DDC: variants seen among roughly 807,000 people sequenced by gnomAD.
The protein encoded by DDC is aromatic-L-amino-acid decarboxylase.
Under a neutral mutation model 60.0 loss-of-function variants are expected in DDC, and 43 were observed. The ratio of observed to expected loss-of-function variants is 0.72; its 90% CI spans 0.56 to 0.92. The LOEUF (loss-of-function observed/expected upper bound fraction) is 0.92, where lower values mean the gene tolerates loss of function less well. DDC is among the 40% of genes least tolerant of loss of function. The pLI is 0.00. For missense variants in DDC, 573 were observed against 620.2 expected (o/e 0.92, Z 0.81); for synonymous variants, 232 against 234.6 (o/e 0.99, Z 0.10).
intron 6 of DDC, among the ~76,000 whole-genome samples, chr7:50,512,535 C>A (rs1199597640): frequency 6.6e-6 from 1 of 152,202 alleles, no homozygotes; most frequent in Non-Finnish European, 1.5e-5. Context: ...ATCCACCACC[C>A]CCAGGCCCAT....
intron 1 of DDC, among the ~76,000 whole-genome samples, chr7:50,562,652 G>T (rs2045367187): frequency 6.6e-6 from 1 of 152,206 alleles, no homozygotes. Flanking sequence ...CAGGAGCTTG[G>T]GGGCTGCAGT....
chr7:50,530,024 A>C (rs966784752), intron 4 of DDC, among the ~76,000 whole-genome samples: 1 of 152,140 alleles, frequency 6.6e-6, no homozygotes, highest in Non-Finnish European at 1.5e-5. Flanking sequence ...TGGGAGGCAG[A>C]GGAGGGTCGA....
At chr7:50,488,594 T>C (rs1435176422) in intron 9 of DDC, among the ~76,000 whole-genome samples, 1 of 151,974 alleles carries the variant, frequency 6.6e-6, no homozygotes, top group African/African-American at 2.4e-5. Flanking sequence ...TTTGTGTAAG[T>C]CATAATAAGG....
At chr7:50,473,295 G>T (rs1027754553) in intron 11 of DDC, among the ~76,000 whole-genome samples, 5 of 152,154 alleles carry the variant, frequency 3.3e-5, no homozygotes, top group Non-Finnish European at 5.9e-5. Flanking sequence ...GGGCCCTGAG[G>T]CTGCTCCCAT....
intron 6 of DDC, among the ~76,000 whole-genome samples, chr7:50,511,329 TA>T (rs2043573251): frequency 6.6e-6 from 1 of 151,794 alleles, no homozygotes; most frequent in African/African-American, 2.4e-5. Context: ...TTATATAATA[TA>T]TATAATGACC....
chr7:50,465,500 T>C (rs1263333045), intron 13 of DDC, among the ~76,000 whole-genome samples: 1 of 151,888 alleles, frequency 6.6e-6, no homozygotes, highest in African/African-American at 2.4e-5. Flanking sequence ...GCCTCCCGAG[T>C]AGCTGGGATT....
At chr7:50,520,474 A>G (rs946950238) in intron 6 of DDC, among the ~76,000 whole-genome samples, 37 of 152,368 alleles carry the variant, frequency 2.4e-4, no homozygotes, top group African/African-American at 8.4e-4. Context: ...TGAAAATGAC[A>G]ATAAAACTCA....
At chr7:50,467,465 C>A in intron 12 of DDC, 150 bp from the exon 13 acceptor site, 1 of 692,350 alleles carries the variant, frequency 1.4e-6, no homozygotes, top group Non-Finnish European at 2.6e-6. Context: ...CACTGACCAG[C>A]TGTTTCCAGG....
At chr7:50,459,608 C>A (rs1165591023) in intron 14 of DDC, 13 of 172,496 alleles carry the variant, frequency 7.5e-5, no homozygotes, top group Admixed American at 1.9e-4. Flanking sequence ...TCTGCCCCGC[C>A]GCCCCGTCTG....
chr7:50,485,545 G>C (rs2042863130), intron 9 of DDC, among the ~76,000 whole-genome samples: 1 of 152,186 alleles, frequency 6.6e-6, no homozygotes, highest in Admixed American at 6.5e-5. Flanking sequence ...GTTGTTTACT[G>C]AATTAGTGAA....
intron 9 of DDC, among the ~76,000 whole-genome samples, chr7:50,493,429 G>T (rs1057178901): frequency 5.3e-5 from 8 of 152,136 alleles, no homozygotes; most frequent in African/African-American, 1.9e-4. Flanking sequence ...ACTTGTTCCC[G>T]CCAGAGCCTG....
intron 6 of DDC, among the ~76,000 whole-genome samples, chr7:50,520,957 GAAGAA>G (rs200291099): frequency 0.012 from 1,882 of 150,932 alleles, 17 homozygotes; most frequent in Non-Finnish European, 0.02. Context: ...AATGTAAGCA[GAAGAA>G]AAGAAAAGAA....
At chr7:50,472,453 C>T (rs1263873230) in intron 11 of DDC, among the ~76,000 whole-genome samples, 3 of 152,174 alleles carry the variant, frequency 2.0e-5, no homozygotes, top group African/African-American at 7.2e-5. Context: ...CATTTTTAAA[C>T]CTGTATTTTG....
rs565059285 is a variant in DDC at position 50,515,495 on chromosome 7, A to G, written c.715-11436T>C. Among the ~76,000 whole-genome samples the G allele has an allele frequency of 2.0e-5, 3 of 152,334 alleles. No individual in the cohort carries two copies. The South Asian group carries it at 6.2e-4, about 32-fold the overall frequency. On this transcript the variant is annotated intron_variant, in intron 6 of 14. Coordinates refer to ENST00000444124, the MANE Select transcript of DDC (RefSeq NM_001082971.2). ...GACACAGGACCTATAAAGCAAAAAT[A>G]CAAGTTAAAAAGCAAAAACAAAAAA...
intron 6 of DDC, among the ~76,000 whole-genome samples, chr7:50,510,119 C>T (rs1340043711): frequency 1.3e-5 from 2 of 151,966 alleles, no homozygotes; most frequent in Non-Finnish European, 2.9e-5. Context: ...CTACAGGTGA[C>T]TGCCACCATG....
chr7:50,492,605 C>T (rs1003133569), intron 9 of DDC: 139 of 926,954 alleles, frequency 1.5e-4, no homozygotes, highest in Non-Finnish European at 1.7e-4. Context: ...CCCCATCACC[C>T]TTCTCTTGTG....
intron 6 of DDC, among the ~76,000 whole-genome samples, chr7:50,508,616 A>ACCCTGCCAAATGTGCCCCTTGCCCTCAG (rs2043464844): frequency 1.3e-5 from 2 of 152,308 alleles, no homozygotes; most frequent in South Asian, 4.1e-4. Flanking sequence ...TCTGGTTCAA[A>ACCCTGCCAAATGTGCCCCTTGCCCTCAG]CCCTGCCAAA....
rs1346420256 is a variant in DDC, at chr7:50,470,103, T to G, written c.1110A>C (p.Gly370=). 3 of 1,613,368 alleles carry G rather than the reference T, an allele frequency of 1.9e-6. No homozygotes were observed. Among genetic ancestry groups the G allele is most frequent in the Non-Finnish European group, 2.5e-6 (3 of 1,179,312 alleles). Residue 370 remains glycine, a synonymous_variant, in exon 12 of 15, where the codon GGA becomes GGC. Transcript: ENST00000444124. The stretch of plus-strand genomic sequence containing the variant: ...GGATATAAGCCTGCAGTCCTTTGAC[T>G]CCATACATCCTAAATACAAACCACA... ...LKMWFVFRMY[G]VKGLQAYIRK... is the part of the protein sequence containing the mutation.
chr7:50,478,549 G>A (rs908463022), intron 10 of DDC, among the ~76,000 whole-genome samples: 1 of 152,206 alleles, frequency 6.6e-6, no homozygotes, highest in Non-Finnish European at 1.5e-5. Context: ...TGTCTAATTA[G>A]TGCAAGTTCC....
Sources: gnomAD v4.1 joint callset for allele counts (sites outside exome capture counted in the v4.1 genomes callset) on GRCh38, gnomAD v4.1.1 for gene constraint, MANE v1.5 for transcripts, NCBI Gene and HGNC (gene_info 2026-07-23, HGNC 2026-07-21) for gene names.